AGAP1: variants seen among roughly 807,000 people sequenced by gnomAD.
AGAP1 encodes ArfGAP with GTPase domain, ankyrin repeat and PH domain 1.
Under a neutral mutation model 105.3 loss-of-function variants are expected in AGAP1, and 29 were observed. The ratio of observed to expected loss-of-function variants is 0.28; its 90% confidence interval spans 0.21 to 0.38. The LOEUF (loss-of-function observed/expected upper bound fraction) is 0.38. Ranked by LOEUF, AGAP1 falls within the 10% of genes least tolerant of loss-of-function variation. The pLI is 1.00. For missense variants in AGAP1, 998 were observed against 1,165.1 expected (o/e 0.86, Z 2.09); for synonymous variants, 509 against 485.9 (o/e 1.05, Z -0.63).
rs1325919890 is a variant in AGAP1, at chr2:235,883,436, A to T, written c.1142A>T (p.His381Leu). The change falls in exon 10 of 18, where the codon CAT becomes CTT. Residue 381 changes from histidine (H) to leucine (L), a missense_variant. Physicochemically the swap from His to Leu is moderately conservative, Grantham distance 99. Coordinates refer to ENST00000304032, the MANE Select transcript of AGAP1 (RefSeq NM_001037131.3). The surrounding 1 kb of genome is among the most constrained non-coding windows in gnomAD (Gnocchi z 4.5). ...TLCDNGVLTY[H>L]PSLHDYMQNV... is the part of the protein sequence containing the mutation. Reference sequence around the variant, plus strand: ...TGTGACAATGGCGTGCTGACCTATCATCCCAGTTTACATGTGAGTATAGCC... The same window carrying T: ...TGTGACAATGGCGTGCTGACCTATCTTCCCAGTTTACATGTGAGTATAGCC... 1 of 1,613,992 alleles carries T rather than the reference A, an allele frequency of 6.2e-7. No individual in the cohort carries two copies. The highest frequency in any genetic ancestry group is 8.5e-7 in the Non-Finnish European group (1 of 1,179,932).
At chr2:235,685,587 C>T (rs1405344789) in intron 1 of AGAP1, among the ~76,000 whole-genome samples, 1 of 151,892 alleles carries the variant, frequency 6.6e-6, no homozygotes, top group Non-Finnish European at 1.5e-5. Context: ...ATACAGGGTG[C>T]GTCTGTCTGG....
In AGAP1 at chr2:235,754,539, A is replaced by T. The variant is rs192593511; in HGVS notation, c.673+4051A>T. On this transcript the variant is annotated intron_variant, in intron 6 of 17. Coordinates refer to ENST00000304032, the MANE Select transcript of AGAP1 (RefSeq NM_001037131.3). The surrounding 1 kb of genome is among the most constrained non-coding windows in gnomAD (Gnocchi z 4.6). ...CAGGGACCTCATTCTTTCTTCTCCA[A>T]CATTTGACTTCTTAGTGTCTTGTAA... 7.2e-5 allele frequency among the ~76,000 whole-genome samples: 11 copies of T among 152,296 alleles called. No individual in the cohort carries two copies. In the East Asian group the frequency reaches 2.1e-3, roughly 29 times the overall value.
At chr2:235,656,836 A>G (rs1947789295) in intron 1 of AGAP1, among the ~76,000 whole-genome samples, 1 of 152,246 alleles carries the variant, frequency 6.6e-6, no homozygotes, top group Admixed American at 6.5e-5. Flanking sequence ...AACTTTATAT[A>G]TAACATAATG....
rs1175713865 is a variant in AGAP1 at position 235,962,463 on chromosome 2, G to T, written c.1484-5999G>T. ...ACCGTGGGATGTGAGCGGGTTGGAC[G>T]TCAGATGGCATGGAACTCAGGGCAT... On this transcript the variant is annotated intron_variant, in intron 12 of 17. Transcript: ENST00000304032. The surrounding 1 kb of genome is among the most constrained non-coding windows in gnomAD (Gnocchi z 5.3). Among the ~76,000 whole-genome samples, 2 of 152,100 alleles carry T rather than the reference G, an allele frequency of 1.3e-5. No individual in the cohort carries two copies. Among genetic ancestry groups the T allele is most frequent in the Admixed American group, 1.3e-4 (2 of 15,278 alleles).
intron 6 of AGAP1, chr2:235,776,847 C>T (rs1019917800): frequency 1.3e-5 from 6 of 467,516 alleles, no homozygotes; most frequent in South Asian, 7.8e-5. Flanking sequence ...CTCGGAGCCC[C>T]TTTTCCAAAA....
intron 11 of AGAP1, among the ~76,000 whole-genome samples, chr2:235,925,316 T>C (rs903322950): frequency 2.0e-5 from 3 of 151,906 alleles, no homozygotes; most frequent in Non-Finnish European, 4.4e-5. Flanking sequence ...CCAACGATGG[T>C]GCGCAGAGTT....
At chr2:235,590,466 A>G (rs1945288166) in intron 1 of AGAP1, among the ~76,000 whole-genome samples, 1 of 152,046 alleles carries the variant, frequency 6.6e-6, no homozygotes, top group South Asian at 2.1e-4. Flanking sequence ...GCTGTTGATC[A>G]ACAGGTGTGG....
chr2:235,696,477 C>A (rs1950002697), intron 1 of AGAP1, among the ~76,000 whole-genome samples: 1 of 152,194 alleles, frequency 6.6e-6, no homozygotes, highest in Non-Finnish European at 1.5e-5. Context: ...GGTGCCCCAG[C>A]TTCCACGCTT....
chr2:235,494,987 C>G, intron 1 of AGAP1, 138 bp downstream of exon 1: 2 of 800,356 alleles, frequency 2.5e-6, no homozygotes, highest in Non-Finnish European at 3.4e-6. Flanking sequence ...CACTGCGGCG[C>G]TGCTTGTCTT....
At position 236,051,004 on chromosome 2, in the gene AGAP1, A is replaced by C. The variant is rs1476856707; in HGVS notation, c.2114+1723A>C. Among the ~76,000 whole-genome samples the C allele has an allele frequency of 6.6e-6, 1 of 152,172 alleles. No homozygotes were observed. The highest frequency in any genetic ancestry group is 2.4e-5 in the African/African-American group (1 of 41,436). ...TCTTTTTTCCAGTGTTACATACATC[A>C]CATCATTATATTTTAGAGACCTATT... On this transcript the variant is annotated intron_variant, in intron 16 of 17. Transcript: ENST00000304032. This position sits in a 1 kb window ranked among gnomAD's most constrained non-coding sequence, Gnocchi z 5.9.
At chr2:235,910,489 A>C (rs913513861) in intron 11 of AGAP1, among the ~76,000 whole-genome samples, 1 of 152,198 alleles carries the variant, frequency 6.6e-6, no homozygotes, top group Non-Finnish European at 1.5e-5. Context: ...GATTTTTCTT[A>C]TTAGAGCGGT....
chr2:235,852,519 G>A (rs2048513976), intron 9 of AGAP1, among the ~76,000 whole-genome samples: 1 of 152,240 alleles, frequency 6.6e-6, no homozygotes, highest in African/African-American at 2.4e-5. Flanking sequence ...AGCATGCTGT[G>A]TGTGTATGTG....
chr2:235,911,256 CCT>C (rs1229080658), intron 11 of AGAP1, among the ~76,000 whole-genome samples: 3 of 152,078 alleles, frequency 2.0e-5, no homozygotes, highest in Admixed American at 6.6e-5. Context: ...AGGAATCTCC[CCT>C]GTTGTTGGGG....
At position 235,959,204 on chromosome 2, in the gene AGAP1, C is replaced by T. The variant is rs968530048; in HGVS notation, c.1484-9258C>T. Among the ~76,000 whole-genome samples, 2 of 152,168 alleles carry T rather than the reference C, an allele frequency of 1.3e-5. No individual in the cohort carries two copies. Among genetic ancestry groups the T allele is most frequent in the African/African-American group, 4.8e-5 (2 of 41,450 alleles). ...CTGTCCCGGTGCCCGGTAATTGATA[C>T]AAAATAAAATGCATTCTTTGTATGC... On this transcript the variant is annotated intron_variant, in intron 12 of 17. Coordinates refer to ENST00000304032, the MANE Select transcript of AGAP1 (RefSeq NM_001037131.3). This position sits in a 1 kb window ranked among gnomAD's most constrained non-coding sequence, Gnocchi z 7.3.
At chr2:235,647,436 G>A (rs527986577) in intron 1 of AGAP1, among the ~76,000 whole-genome samples, 5 of 152,114 alleles carry the variant, frequency 3.3e-5, no homozygotes, top group East Asian at 1.9e-4. Flanking sequence ...CACCCGGGCC[G>A]GAGTGCAGTG....
chr2:236,022,518 C>CCAGGCTT (rs1410593258), intron 13 of AGAP1, among the ~76,000 whole-genome samples: 1 of 152,192 alleles, frequency 6.6e-6, no homozygotes, highest in Non-Finnish European at 1.5e-5. Context: ...TCCATATTCT[C>CCAGGCTT]CAGGCTTGCC....
intron 10 of AGAP1, among the ~76,000 whole-genome samples, chr2:235,899,525 T>C (rs1313797189): frequency 6.6e-6 from 1 of 152,144 alleles, no homozygotes; most frequent in Non-Finnish European, 1.5e-5. Context: ...AAAATATATA[T>C]ATACTGTTTG....
In AGAP1 at chr2:236,109,811, A is replaced by G. The variant is rs1308372171; in HGVS notation, c.2115-10381A>G. ...ATGTTATTTTGTTTCAATTCACGTC[A>G]ACACCCACGGGCAGCTTACAGCTGC... On this transcript the variant is annotated intron_variant, in intron 16 of 17. Transcript: ENST00000304032. The surrounding 1 kb of genome is among the most constrained non-coding windows in gnomAD (Gnocchi z 5.4). Among the ~76,000 whole-genome samples, 5 of 152,276 alleles carry G rather than the reference A, an allele frequency of 3.3e-5. No homozygotes were observed. The highest frequency in any genetic ancestry group is 7.3e-5 in the Non-Finnish European group (5 of 68,050).
chr2:235,850,957 C>T (rs73998959), intron 9 of AGAP1, among the ~76,000 whole-genome samples: 1,801 of 152,258 alleles, frequency 0.012, 40 homozygotes, highest in African/African-American at 0.042. Flanking sequence ...ATGGCTGTTC[C>T]GGGACCTGGC....
Sources: gnomAD v4.1 joint callset for allele counts (sites outside exome capture counted in the v4.1 genomes callset) on GRCh38, gnomAD v4.1.1 for gene constraint, Gnocchi (gnomAD v3.1) non-coding constraint, MANE v1.5 for transcripts, NCBI Gene and HGNC (gene_info 2026-07-23, HGNC 2026-07-21) for gene names.